The following SSBP2 variants were observed in gnomAD, a reference collection of about 807,000 sequenced individuals.
SSBP2 encodes single stranded DNA binding protein 2, also known as single-stranded DNA-binding protein 2.
A neutral mutation model predicts 61.8 loss-of-function variants in SSBP2; 17 were observed. That is an observed-to-expected ratio of 0.28 (90% CI 0.19 to 0.41). The LOEUF (loss-of-function observed/expected upper bound fraction) is 0.41. Among genes scored for constraint, SSBP2 ranks in the 10% least tolerant of loss-of-function variants. The pLI is 1.00. For missense variants in SSBP2, 310 were observed against 458.7 expected, an observed-to-expected ratio of 0.68 and a Z score of 2.96; for synonymous variants, 139 against 141.3, an observed-to-expected ratio of 0.98 and a Z score of 0.12.
chr5:81,667,290 C>T (rs1374659127), intron 1 of SSBP2, among the ~76,000 whole-genome samples: 1 of 86,334 alleles, frequency 1.2e-5, no homozygotes, highest in Non-Finnish European at 2.2e-5. Flanking sequence ...TACAGATACA[C>T]ACACACACAC....
chr5:81,590,195 AT>A, intron 4 of SSBP2, among the ~76,000 whole-genome samples: 1 of 152,170 alleles, frequency 6.6e-6, no homozygotes, highest in Non-Finnish European at 1.5e-5. Flanking sequence ...CTAGTCATAG[AT>A]TTAAAAAAAA....
At position 81,418,161 on chromosome 5, in the gene SSBP2, A is replaced by T. The variant is rs1761396885; in HGVS notation, c.*2343T>A. Reference sequence around the variant, plus strand: ...AATTTTTATATGATTGTCATAAAATATGAAAGTCAAAATTCTTCTTGGTAA... The same window carrying T: ...AATTTTTATATGATTGTCATAAAATTTGAAAGTCAAAATTCTTCTTGGTAA... On this transcript the variant is annotated 3_prime_UTR_variant, in exon 17 of 17. Transcript: ENST00000320672. 6.6e-6 allele frequency: 1 copy of T among 152,266 alleles called. No individual in the cohort carries two copies. The highest frequency in any genetic ancestry group is 2.1e-4 in the South Asian group (1 of 4,836). The allele number at this position is 152,266 out of a possible 1,614,324, so 9.4% of individuals were successfully genotyped here.
intron 6 of SSBP2, among the ~76,000 whole-genome samples, chr5:81,480,953 C>T (rs1168124680): frequency 6.6e-6 from 1 of 152,208 alleles, no homozygotes; most frequent in Non-Finnish European, 1.5e-5. Flanking sequence ...GATTTCATAT[C>T]AAGAAACCAT....
chr5:81,544,623 GA>G (rs989481681), intron 4 of SSBP2, among the ~76,000 whole-genome samples: 1 of 152,034 alleles, frequency 6.6e-6, no homozygotes, highest in African/African-American at 2.4e-5. Flanking sequence ...TGCAGGGGGA[GA>G]ACAAAACTAA....
chr5:81,719,410 G>C, intron 1 of SSBP2, among the ~76,000 whole-genome samples: 1 of 152,112 alleles, frequency 6.6e-6, no homozygotes, highest in East Asian at 1.9e-4. Flanking sequence ...GTCCTGTATG[G>C]GCTTCTTAAT....
intron 4 of SSBP2, among the ~76,000 whole-genome samples, chr5:81,602,064 C>G (rs957332321): frequency 6.6e-6 from 1 of 152,162 alleles, no homozygotes; most frequent in Admixed American, 6.5e-5. Context: ...CAGTCCTACT[C>G]AGTGAAAGTA....
chr5:81,457,514 CTAAGTTAA>C (rs1007494598), intron 10 of SSBP2, among the ~76,000 whole-genome samples: 4 of 152,180 alleles, frequency 2.6e-5, no homozygotes, highest in African/African-American at 9.6e-5. Context: ...AAGTAAGTCT[CTAAGTTAA>C]TAAGTACAAG....
At chr5:81,715,330 C>G (rs1755103335) in intron 1 of SSBP2, among the ~76,000 whole-genome samples, 1 of 152,052 alleles carries the variant, frequency 6.6e-6, no homozygotes, top group Non-Finnish European at 1.5e-5. Flanking sequence ...AACAGGGGAT[C>G]CAGCACAAGA....
chr5:81,510,413 T>C (rs1037094057), intron 5 of SSBP2, among the ~76,000 whole-genome samples: 1 of 152,222 alleles, frequency 6.6e-6, no homozygotes, highest in Admixed American at 6.5e-5. Flanking sequence ...TCAAATCTAC[T>C]TCTTATCTCC....
intron 3 of SSBP2, among the ~76,000 whole-genome samples, chr5:81,627,674 A>G (rs760052827): frequency 2.6e-5 from 4 of 152,200 alleles, no homozygotes; most frequent in African/African-American, 7.2e-5. Flanking sequence ...TATTTTCTCT[A>G]CAATGTTATA....
intron 4 of SSBP2, among the ~76,000 whole-genome samples, chr5:81,529,401 T>C (rs1037691547): frequency 3.3e-5 from 5 of 152,188 alleles, no homozygotes; most frequent in African/African-American, 1.2e-4. Context: ...TGCATATTTA[T>C]GCCTAAGCAG....
At chr5:81,623,484 C>A (rs900908321) in intron 3 of SSBP2, among the ~76,000 whole-genome samples, 1 of 151,884 alleles carries the variant, frequency 6.6e-6, no homozygotes, top group South Asian at 2.1e-4. Context: ...TACAGGCGCC[C>A]GCCACCGCGC....
At chr5:81,488,418 C>T (rs1321730949) in intron 6 of SSBP2, among the ~76,000 whole-genome samples, 2 of 152,046 alleles carry the variant, frequency 1.3e-5, no homozygotes, top group Non-Finnish European at 2.9e-5. Context: ...GCCATCCTTA[C>T]AGCTGTGTGG....
Position 81,442,676 on chromosome 5 carries a change from G to T in SSBP2, c.826C>A (p.Pro276Thr). 2 of 1,581,940 alleles carry T rather than the reference G, an allele frequency of 1.3e-6. No homozygotes were observed. The highest frequency in any genetic ancestry group is 3.7e-5 in the Admixed American group (2 of 54,516). ...ACATTAGGTCTGTTAGGTCCAGGAG[G>T]TACTGCATTCATTAAAGTATACATG... The change falls in exon 13 of 17, where the codon CCT becomes ACT. Residue 276 changes from proline (P) to threonine (T), a missense_variant. Around this residue, in one of 4 missense-constraint regions of SSBP2, gnomAD observed 209 missense variants for 286.4 expected, o/e 0.73. Transcript: ENST00000320672.
chr5:81,643,033 G>A (rs1748930310), intron 2 of SSBP2, among the ~76,000 whole-genome samples: 1 of 152,116 alleles, frequency 6.6e-6, no homozygotes, highest in Non-Finnish European at 1.5e-5. Flanking sequence ...TTGGGGCTGG[G>A]ATTCTGAAAA....
intron 4 of SSBP2, among the ~76,000 whole-genome samples, chr5:81,608,638 C>T (rs1388079210): frequency 6.6e-6 from 1 of 152,128 alleles, no homozygotes; most frequent in East Asian, 1.9e-4. Flanking sequence ...ATTCAAATGA[C>T]TAAAATAAGC....
intron 1 of SSBP2, among the ~76,000 whole-genome samples, chr5:81,730,035 T>A (rs1448428731): frequency 6.6e-6 from 1 of 152,160 alleles, no homozygotes; most frequent in Non-Finnish European, 1.5e-5. Flanking sequence ...AAAATACAGA[T>A]ATACAAAGTA....
chr5:81,468,025 C>A (rs929312885), intron 8 of SSBP2, among the ~76,000 whole-genome samples: 4 of 152,002 alleles, frequency 2.6e-5, no homozygotes, highest in African/African-American at 4.8e-5. Context: ...ATAACTCATA[C>A]GTTGAACTTC....
At chr5:81,738,916 G>A (rs1308398216) in intron 1 of SSBP2, among the ~76,000 whole-genome samples, 1 of 152,082 alleles carries the variant, frequency 6.6e-6, no homozygotes, top group Non-Finnish European at 1.5e-5. Flanking sequence ...TGTAATCCCA[G>A]CACTTTGGGT....
Sources: gnomAD v4.1 joint callset for allele counts (sites outside exome capture counted in the v4.1 genomes callset) on GRCh38, gnomAD v4.1.1 for gene constraint, gnomAD v4.1.1 regional missense constraint, MANE v1.5 for transcripts, NCBI Gene and HGNC (gene_info 2026-07-23, HGNC 2026-07-21) for gene names.